Variants in PCDHGB6 observed in about 807,000 individuals in gnomAD.
PCDHGB6 encodes the protein protocadherin gamma subfamily B, 6.
Under a neutral mutation model 59.1 loss-of-function variants are expected in PCDHGB6, and 51 were observed. The observed-to-expected ratio is 0.86, with a 90% CI of 0.69 to 1.09. The LOEUF (loss-of-function observed/expected upper bound fraction) is 1.09. Among genes scored for constraint, PCDHGB6 ranks in the 50% least tolerant of loss-of-function variants. PCDHGB6 has a pLI of 0.00. For synonymous variants in PCDHGB6, 466 were observed against 495.1 expected (o/e 0.94, Z 0.78); for missense variants, 1,148 against 1,205.1 (o/e 0.95, Z 0.70).
At position 141,486,169 on chromosome 5, in the gene PCDHGB6, A is replaced by G. The variant is rs2099625537; in HGVS notation, c.2419-8638A>G. The G allele has an allele frequency of 1.2e-6, 2 of 1,614,088 alleles. No individual in the cohort carries two copies. Among genetic ancestry groups the G allele is most frequent in the East Asian group, 2.2e-5 (1 of 44,890 alleles). On this transcript the variant is annotated intron_variant, in intron 1 of 3. Transcript: ENST00000520790. The surrounding 1 kb of genome is among the most constrained non-coding windows in gnomAD (Gnocchi z 5.0). ...ATGGGGGTTCTCCAGCCATGGAGCA[A>G]CATTGCAGCCTTCGAGTGGATCTGC...
chr5:141,419,010 G>A (rs2096312778), intron 1 of PCDHGB6: 2 of 1,613,866 alleles, frequency 1.2e-6, no homozygotes, highest in Non-Finnish European at 8.5e-7. Flanking sequence ...GAAGTCAGGT[G>A]TAGCTTAAGT....
At chr5:141,424,746 T>TTA (rs1392854638) in intron 1 of PCDHGB6, 1 of 152,214 alleles carries the variant, frequency 6.6e-6, no homozygotes, top group Non-Finnish European at 1.5e-5. Flanking sequence ...CTTTCTTTCT[T>TTA]TATAAGGTCA....
intron 1 of PCDHGB6, among the ~76,000 whole-genome samples, chr5:141,492,167 C>T (rs565536989): frequency 6.6e-6 from 1 of 152,344 alleles, no homozygotes; most frequent in East Asian, 1.9e-4. Context: ...CCTATCCCCG[C>T]ATCACCCAAC....
chr5:141,490,257 T>C lies in PCDHGB6; in HGVS notation c.2419-4550T>C, dbSNP rs2099697852. On this transcript the variant is annotated intron_variant, in intron 1 of 3. Coordinates refer to ENST00000520790, the MANE Select transcript of PCDHGB6 (RefSeq NM_018926.3). The surrounding 1 kb of genome is among the most constrained non-coding windows in gnomAD (Gnocchi z 5.4). ...AGGGCCACTGTGTGATTCAAGTGGATGTGGGGGATGTCAATGACAATGCCC... is the reference window on the plus strand; with the variant it reads ...AGGGCCACTGTGTGATTCAAGTGGACGTGGGGGATGTCAATGACAATGCCC... The C allele has an allele frequency of 6.2e-7, 1 of 1,614,208 alleles. No individual in the cohort carries two copies. Among genetic ancestry groups the C allele is most frequent in the South Asian group, 1.1e-5 (1 of 91,078 alleles).
chr5:141,481,261 C>T lies in PCDHGB6; in HGVS notation c.2419-13546C>T, dbSNP rs2099534823. ...TACATAGCATAGCTCTAAAAGATCA[C>T]TGTAGGAAGACATAAAATGGTATTT... On this transcript the variant is annotated intron_variant, in intron 1 of 3. Coordinates refer to ENST00000520790, the MANE Select transcript of PCDHGB6 (RefSeq NM_018926.3). Among the ~76,000 whole-genome samples, 3 of 152,252 alleles carry T rather than the reference C, an allele frequency of 2.0e-5. No individual in the cohort carries two copies. The East Asian group carries it at 5.8e-4, about 29-fold the overall frequency.
intron 1 of PCDHGB6, chr5:141,412,213 C>T (rs1467971455): frequency 6.6e-6 from 1 of 152,224 alleles, no homozygotes; most frequent in Non-Finnish European, 1.5e-5. Context: ...TTGACATAAA[C>T]ACTTACTTGT....
At chr5:141,479,312 A>G (rs1218187495) in intron 1 of PCDHGB6, 5 of 152,526 alleles carry the variant, frequency 3.3e-5, no homozygotes, top group African/African-American at 9.6e-5. Context: ...GAAAACATAA[A>G]GTAGCCAGAC....
At position 141,486,038 on chromosome 5, in the gene PCDHGB6, G is replaced by T; in HGVS notation, c.2419-8769G>T. The stretch of plus-strand genomic sequence containing the variant: ...TTTCAGTGGTCATACCCCTGATCGT[G>T]TAAGAAACCTCTTTAGCCTGCACCC... On this transcript the variant is annotated intron_variant, in intron 1 of 3. Coordinates refer to ENST00000520790, the MANE Select transcript of PCDHGB6 (RefSeq NM_018926.3). This position sits in a 1 kb window ranked among gnomAD's most constrained non-coding sequence, Gnocchi z 5.0. The T allele has an allele frequency of 3.1e-6, 5 of 1,614,184 alleles. No individual in the cohort carries two copies. Among genetic ancestry groups the T allele is most frequent in the Non-Finnish European group, 4.2e-6 (5 of 1,180,018 alleles).
intron 1 of PCDHGB6, among the ~76,000 whole-genome samples, chr5:141,479,789 T>C (rs888217885): frequency 3.3e-5 from 5 of 152,196 alleles, no homozygotes; most frequent in Non-Finnish European, 2.9e-5. Flanking sequence ...AAAGCATTCA[T>C]TAATTCAGGG....
chr5:141,474,011 A>T (rs910186122), intron 1 of PCDHGB6, among the ~76,000 whole-genome samples: 2 of 152,112 alleles, frequency 1.3e-5, no homozygotes, highest in Non-Finnish European at 2.9e-5. Flanking sequence ...TGGAAGTTAC[A>T]GTGAGCTATG....
At chr5:141,433,951 A>G (rs2097667078) in intron 1 of PCDHGB6, among the ~76,000 whole-genome samples, 1 of 152,032 alleles carries the variant, frequency 6.6e-6, no homozygotes, top group African/African-American at 2.4e-5. Context: ...TGTTTCTTCT[A>G]CAGTTGTTAA....
In PCDHGB6 at chr5:141,423,740, GA is replaced by G. The variant is rs778655137; in HGVS notation, c.2418+13124del. 7 of 698,952 alleles carry G rather than the reference GA, an allele frequency of 1.0e-5. No individual in the cohort carries two copies. The African/African-American group carries it at 1.9e-4, about 19-fold the overall frequency. The allele number at this position is 698,952 out of a possible 1,614,324, so 43.3% of individuals were successfully genotyped here. ...AGGAGATGTTTTTTGAGCCTGTTAT[GA>G]AAACTGTTTGGGGGGGGGGTGGGGC... On this transcript the variant is annotated intron_variant, in intron 1 of 3. Coordinates refer to ENST00000520790, the MANE Select transcript of PCDHGB6 (RefSeq NM_018926.3).
chr5:141,413,573 A>G (rs375156046), intron 1 of PCDHGB6: 12 of 1,613,768 alleles, frequency 7.4e-6, no homozygotes, highest in South Asian at 4.4e-5. Context: ...ATCAATGACA[A>G]TGCTCCAAAA....
intron 1 of PCDHGB6, among the ~76,000 whole-genome samples, chr5:141,450,013 T>A (rs1178482524): frequency 7.4e-6 from 1 of 135,940 alleles, no homozygotes; most frequent in African/African-American, 3.2e-5. Flanking sequence ...TCTCTTTTTT[T>A]TTTTTTTTTT....
intron 1 of PCDHGB6, chr5:141,423,100 G>C (rs2096709499): frequency 6.2e-7 from 1 of 1,613,944 alleles, no homozygotes; most frequent in Non-Finnish European, 8.5e-7. Context: ...GGAGCACACG[G>C]GCGAGGTGCG....
chr5:141,462,372 C>A (rs2099038225), intron 1 of PCDHGB6, among the ~76,000 whole-genome samples: 1 of 152,096 alleles, frequency 6.6e-6, no homozygotes, highest in African/African-American at 2.4e-5. Flanking sequence ...AGTTTCTATT[C>A]TTTTAAATTC....
intron 1 of PCDHGB6, chr5:141,421,347 C>G: frequency 6.2e-7 from 1 of 1,613,948 alleles, no homozygotes; most frequent in Non-Finnish European, 8.5e-7. Flanking sequence ...CAGAAGAGAC[C>G]GAAAAGGGCT....
intron 2 of PCDHGB6, among the ~76,000 whole-genome samples, chr5:141,497,905 C>T (rs1052659134): frequency 6.6e-6 from 1 of 152,178 alleles, no homozygotes; most frequent in Non-Finnish European, 1.5e-5. Context: ...GTAACTTCAA[C>T]TTCTCTCCTT....
rs535152193 is a variant in PCDHGB6, at chr5:141,422,906, C to G, written c.2418+12286C>G. ...TTCGTGCTGGACCAGAACGACAATG[C>G]GCCCGAGATCCTGTACCCTGCCCTC... On this transcript the variant is annotated intron_variant, in intron 1 of 3. Transcript: ENST00000520790. 6 of 1,614,264 alleles carry G rather than the reference C, an allele frequency of 3.7e-6. No homozygotes were observed. The South Asian group carries it at 6.6e-5, about 18-fold the overall frequency.
Sources: gnomAD v4.1 joint callset for allele counts (sites outside exome capture counted in the v4.1 genomes callset) on GRCh38, gnomAD v4.1.1 for gene constraint, Gnocchi (gnomAD v3.1) non-coding constraint, MANE v1.5 for transcripts, NCBI Gene and HGNC (gene_info 2026-07-23, HGNC 2026-07-21) for gene names.